ZMYM5: variants seen among roughly 807,000 people sequenced by gnomAD.
ZMYM5 encodes the protein zinc finger MYM-type protein 5.
Under a neutral mutation model 61.8 loss-of-function variants are expected in ZMYM5, and 41 were observed. That is an observed-to-expected ratio of 0.66 (90% CI 0.52 to 0.86). The LOEUF is 0.86. Among genes scored for constraint, ZMYM5 ranks in the 40% least tolerant of loss-of-function variants. ZMYM5 has a pLI of 0.00. For missense variants in ZMYM5, 706 were observed against 786.7 expected (o/e 0.90, Z 1.23); for synonymous variants, 257 against 276.4 (o/e 0.93, Z 0.70).
chr13:19,827,851 C>G (rs1017312289), intron 7 of ZMYM5, among the ~76,000 whole-genome samples: 2 of 150,816 alleles, frequency 1.3e-5, no homozygotes, highest in Non-Finnish European at 3.0e-5. Context: ...AACCCCGTCT[C>G]TACTAAAAAT....
intron 5 of ZMYM5, 96 bp downstream of exon 5, chr13:19,838,604 T>C: frequency 6.9e-7 from 1 of 1,443,758 alleles, no homozygotes; most frequent in Non-Finnish European, 9.4e-7. Flanking sequence ...GCAACAATTC[T>C]ACCCATAAAT....
intron 5 of ZMYM5, 139 bp downstream of exon 5, chr13:19,838,558 TAGG>T: frequency 9.6e-7 from 1 of 1,045,464 alleles, no homozygotes. Flanking sequence ...GGATATATTC[TAGG>T]AGCTCAAGCT....
Position 19,824,731 on chromosome 13 carries a change from C to G in ZMYM5, c.1756G>C (p.Asp586His). 3.7e-6 allele frequency: 5 copies of G among 1,360,204 alleles called. No individual in the cohort carries two copies. The highest frequency in any genetic ancestry group is 4.9e-6 in the Non-Finnish European group (5 of 1,018,758). The allele number at this position is 1,360,204 out of a possible 1,614,324, so 84.3% of individuals were successfully genotyped here. ...TTGCAATATAGACAAAACACAGAATCTTTTGAGGTTGAATAAAGTAACCAG... is the reference window on the plus strand; with the variant it reads ...TTGCAATATAGACAAAACACAGAATGTTTTGAGGTTGAATAAAGTAACCAG... Reference protein sequence around the residue: ...RSWLLYSTSKDSVFCLYCKLF... With the variant: ...RSWLLYSTSKHSVFCLYCKLF... The change falls in exon 8 of 8, where the codon GAT (aspartate) becomes CAT (histidine). Residue 586 changes from aspartate to histidine, a missense_variant. By Grantham distance (81) the Asp-to-His change is moderately conservative. Transcript: ENST00000337963.
intron 1 of ZMYM5, among the ~76,000 whole-genome samples, chr13:19,863,129 C>A (rs1158984403): frequency 6.6e-6 from 1 of 152,102 alleles, no homozygotes; most frequent in Non-Finnish European, 1.5e-5. Flanking sequence ...AACCCGCCCC[C>A]CGCCACTATG....
chr13:19,832,901 A>T lies in ZMYM5; in HGVS notation c.1251+2576T>A, dbSNP rs911895345. On this transcript the variant is annotated intron_variant, in intron 7 of 7. Coordinates refer to ENST00000337963, the MANE Select transcript of ZMYM5 (RefSeq NM_001142684.2). ...GTACAACCACCATATCTGGCTAATT[A>T]AAAAAATTGTTTTGTAGAGATGGGG... Among the ~76,000 whole-genome samples the T allele has an allele frequency of 6.6e-5, 10 of 151,810 alleles. 1 individual carries two copies. The highest frequency in any genetic ancestry group is 2.1e-4 in the South Asian group (1 of 4,832).
chr13:19,855,325 C>G (rs1953461727), intron 2 of ZMYM5, among the ~76,000 whole-genome samples: 1 of 151,760 alleles, frequency 6.6e-6, no homozygotes, highest in Non-Finnish European at 1.5e-5. Flanking sequence ...TGCAGTGGCA[C>G]AATCTAGGCT....
chr13:19,835,973 G>A (rs888157907), intron 6 of ZMYM5, among the ~76,000 whole-genome samples: 1 of 152,040 alleles, frequency 6.6e-6, no homozygotes, highest in East Asian at 1.9e-4. Context: ...ACAGGCGCCC[G>A]CCACCACGCC....
At chr13:19,837,518 A>G in intron 6 of ZMYM5, 138 bp downstream of exon 6, 1 of 1,602,596 alleles carries the variant, frequency 6.2e-7, no homozygotes, top group Non-Finnish European at 8.5e-7. Flanking sequence ...GTTCTAACAT[A>G]TCCTTATTCT....
At chr13:19,849,719 C>T (rs1953214855) in intron 4 of ZMYM5, among the ~76,000 whole-genome samples, 1 of 152,084 alleles carries the variant, frequency 6.6e-6, no homozygotes, top group Non-Finnish European at 1.5e-5. Context: ...GTGGCTCAGG[C>T]CTGTAATCCC....
intron 4 of ZMYM5, among the ~76,000 whole-genome samples, chr13:19,849,707 C>T (rs374371472): frequency 5.9e-5 from 9 of 152,006 alleles, no homozygotes; most frequent in South Asian, 2.1e-4. Flanking sequence ...TGGCCGGGCG[C>T]GGTGGCTCAG....
rs1466247401 is a variant in ZMYM5 at position 19,823,791 on chromosome 13, A to G, written c.*686T>C. 6.6e-6 allele frequency: 1 copy of G among 152,154 alleles called. No individual in the cohort carries two copies. The highest frequency in any genetic ancestry group is 1.5e-5 in the Non-Finnish European group (1 of 68,024). 9.4% of individuals were successfully genotyped at this position (152,154 alleles called of 1,614,324 possible). ...ACATAAGTATCTTATTCAAACTGGT[A>G]TTGATCAATTCAAGCCTTTCTTTCC... On this transcript the variant is annotated 3_prime_UTR_variant, in exon 8 of 8. Coordinates refer to ENST00000337963, the MANE Select transcript of ZMYM5 (RefSeq NM_001142684.2).
At chr13:19,837,385 G>A in intron 6 of ZMYM5, 1 of 1,414,128 alleles carries the variant, frequency 7.1e-7, no homozygotes, top group South Asian at 1.4e-5. Context: ...AATGTCATCA[G>A]TAATAACAAA....
rs1952718024 is a variant in ZMYM5, at chr13:19,837,689, C to T, written c.1005G>A (p.Lys335=). 6.3e-7 allele frequency: 1 copy of T among 1,579,516 alleles called. No individual in the cohort carries two copies. Among genetic ancestry groups the T allele is most frequent in the African/African-American group, 1.4e-5 (1 of 72,372 alleles). The change falls in exon 6 of 8, where the codon AAG becomes AAA. Residue 335 remains lysine, a synonymous_variant. Coordinates refer to ENST00000337963, the MANE Select transcript of ZMYM5 (RefSeq NM_001142684.2). ...NWNLKKGVFN[K]SRCTICSKLA... ...ATTTACTACAAATTGTACATCTTGA[C>T]TTATTAAAAACTCCTTTTTTAAGAT... is the stretch of plus-strand genomic sequence containing the variant.
chr13:19,861,273 T>C (rs1953750210), intron 2 of ZMYM5, among the ~76,000 whole-genome samples: 1 of 152,126 alleles, frequency 6.6e-6, no homozygotes, highest in Non-Finnish European at 1.5e-5. Flanking sequence ...CTCAGCTTTC[T>C]GAGTAGCTGG....
intron 2 of ZMYM5, among the ~76,000 whole-genome samples, chr13:19,855,891 C>G (rs1164316725): frequency 6.6e-6 from 1 of 151,846 alleles, no homozygotes; most frequent in African/African-American, 2.4e-5. Flanking sequence ...TGGCAGGAAC[C>G]TGTAATCCCA....
At chr13:19,849,359 A>T (rs1353212636) in intron 4 of ZMYM5, among the ~76,000 whole-genome samples, 1 of 152,164 alleles carries the variant, frequency 6.6e-6, no homozygotes, top group Non-Finnish European at 1.5e-5. Flanking sequence ...CCTGGCCTCA[A>T]GTGATCCTTC....
At chr13:19,858,316 A>G (rs1953585586) in intron 2 of ZMYM5, among the ~76,000 whole-genome samples, 1 of 152,058 alleles carries the variant, frequency 6.6e-6, no homozygotes, top group Non-Finnish European at 1.5e-5. Flanking sequence ...CAGGTGCAGT[A>G]TAATGCCCCT....
intron 4 of ZMYM5, among the ~76,000 whole-genome samples, chr13:19,845,655 G>T (rs1221683384): frequency 3.3e-5 from 5 of 152,164 alleles, no homozygotes; most frequent in African/African-American, 1.2e-4. Flanking sequence ...CTCTGGAAAA[G>T]CTCTATATTT....
intron 7 of ZMYM5, among the ~76,000 whole-genome samples, chr13:19,826,196 A>T (rs1890908234): frequency 6.6e-6 from 1 of 151,980 alleles, no homozygotes; most frequent in Non-Finnish European, 1.5e-5. Flanking sequence ...AGAAACAAAA[A>T]AATAAATTAG....
Sources: gnomAD v4.1 joint callset for allele counts (sites outside exome capture counted in the v4.1 genomes callset) on GRCh38, gnomAD v4.1.1 for gene constraint, MANE v1.5 for transcripts, NCBI Gene and HGNC (gene_info 2026-07-23, HGNC 2026-07-21) for gene names.